The following GOLGA2 variants were observed in gnomAD, a reference collection of about 807,000 sequenced individuals.
The protein encoded by GOLGA2 is golgin subfamily A member 2.
Under a neutral mutation model 148.8 loss-of-function variants are expected in GOLGA2, and 49 were observed. The observed-to-expected ratio is 0.33, with a 90% CI of 0.26 to 0.42. The LOEUF is 0.42. GOLGA2 is among the 10% of genes least tolerant of loss of function. The pLI is 1.00. For missense variants in GOLGA2, 1,178 were observed against 1,304.6 expected (o/e 0.90, Z 1.49); for synonymous variants, 501 against 511.8 (o/e 0.98, Z 0.28).
At position 128,267,441 on chromosome 9, in the gene GOLGA2, G is replaced by A. The variant is rs762447035; in HGVS notation, c.561+17C>T. On this transcript the variant is annotated intron_variant, in intron 7 of 26. Transcript: ENST00000611957. ...CTGGCCTGCAGGGTCACTGGGCCAC[G>A]GCCCAGGGCCTCTTACCTCCAGATC... The A allele has an allele frequency of 3.1e-5, 50 of 1,606,572 alleles. 1 individual carries two copies. The highest frequency in any genetic ancestry group is 1.7e-4 in the Middle Eastern group (1 of 5,974).
Position 128,260,724 on chromosome 9 carries a change from C to A in GOLGA2, c.1499G>T (p.Arg500Leu), listed in dbSNP as rs746053247. ...QQLQAEAEHL[R>L]KELEGLAGQL... ...TCCTGCCAGACCCTCCAGCTCCTTC[C>A]GCAGGTGCTCAGCCTCCGCTTGTAG... Residue 500 changes from arginine to leucine, a missense_variant, in exon 18 of 27, where the codon CGG (arginine) becomes CTG (leucine). Around this residue, in one of 5 missense-constraint regions of GOLGA2, gnomAD observed 529 missense variants for 521.8 expected, o/e 1.01. Transcript: ENST00000611957. The surrounding 1 kb of genome is among the most constrained non-coding windows in gnomAD (Gnocchi z 4.8). The A allele has an allele frequency of 6.2e-7, 1 of 1,613,242 alleles. No individual in the cohort carries two copies. Among genetic ancestry groups the A allele is most frequent in the Admixed American group, 1.7e-5 (1 of 60,004 alleles).
chr9:128,267,326 G>A (rs1830652726), intron 7 of GOLGA2, 52 bp from the exon 8 acceptor site: 1 of 1,428,010 alleles, frequency 7.0e-7, no homozygotes, highest in South Asian at 1.1e-5. Flanking sequence ...GGGAGAGGTA[G>A]AGAGAGCAAT....
Position 128,267,501 on chromosome 9 carries a change from T to C in GOLGA2, c.518A>G (p.Asn173Ser), listed in dbSNP as rs972195226. ...AGCAGACGATGCAGGGCCCTCCCCA[T>C]TGACACATGTCGCAGACTATAAGAG... ...GLVCESATCV[N>S]GEGPASSANL... The change falls in exon 7 of 27, where the codon AAT becomes AGT. Residue 173 changes from asparagine (N) to serine (S), a missense_variant. Transcript: ENST00000611957. The C allele has an allele frequency of 1.9e-6, 3 of 1,613,118 alleles. No homozygotes were observed. The highest frequency in any genetic ancestry group is 2.2e-5 in the East Asian group (1 of 44,876).
intron 3 of GOLGA2, among the ~76,000 whole-genome samples, chr9:128,269,744 G>A (rs1588490389): frequency 6.6e-6 from 1 of 152,216 alleles, no homozygotes; most frequent in African/African-American, 2.4e-5. Context: ...CCTGGCCACG[G>A]AAGCTGGGTC....
At chr9:128,265,372 C>T (rs554611698) in intron 12 of GOLGA2, among the ~76,000 whole-genome samples, 7 of 152,312 alleles carry the variant, frequency 4.6e-5, no homozygotes, top group Admixed American at 3.3e-4. Flanking sequence ...CCGAGCTCTG[C>T]GTCCAGTGTT....
rs772269881 is a variant in GOLGA2 at position 128,267,515 on chromosome 9, A to G, written c.504T>C (p.Ser168=). The G allele has an allele frequency of 2.5e-6, 4 of 1,610,412 alleles. No individual in the cohort carries two copies. Among genetic ancestry groups the G allele is most frequent in the Non-Finnish European group, 3.4e-6 (4 of 1,176,602 alleles). ...GGCCCTCCCCATTGACACATGTCGC[A>G]GACTATAAGAGACGAGAGTGCACAT... ...SQQLNGLVCE[S]ATCVNGEGPA... The change falls in exon 7 of 27, where the codon TCT becomes TCC. Residue 168 remains serine, a splice_region_variant and synonymous_variant. Coordinates refer to ENST00000611957, the MANE Select transcript of GOLGA2 (RefSeq NM_001366244.2).
chr9:128,264,239 A>G (rs1349450742), intron 12 of GOLGA2, among the ~76,000 whole-genome samples: 2 of 149,654 alleles, frequency 1.3e-5, no homozygotes, highest in Non-Finnish European at 3.0e-5. Flanking sequence ...ATGTATGTAT[A>G]TATGTATTTA....
rs753633275 is a variant in GOLGA2 at position 128,257,496 on chromosome 9, GAC to G, written c.2746_2747del (p.Val916LeufsTer23). ...KVKLLELQEL[V>X]LRLVGDRNEW... ...CGTTGCGGTCGCCCACAAGCCGTAAGACCAGCTCCTGCAGCTCCAGCAGCTTC... is the reference window on the plus strand; with the variant it reads ...CGTTGCGGTCGCCCACAAGCCGTAAGCAGCTCCTGCAGCTCCAGCAGCTTC... On this transcript the variant is annotated frameshift_variant, in exon 26 of 27. Coordinates refer to ENST00000611957, the MANE Select transcript of GOLGA2 (RefSeq NM_001366244.2). LOFTEE classifies it high-confidence loss of function. The surrounding 1 kb of genome is among the most constrained non-coding windows in gnomAD (Gnocchi z 8.0). 1 of 1,613,970 alleles carries G rather than the reference GAC, an allele frequency of 6.2e-7. No individual in the cohort carries two copies. The highest frequency in any genetic ancestry group is 1.1e-5 in the South Asian group (1 of 91,086).
At position 128,258,718 on chromosome 9, in the gene GOLGA2, T is replaced by G; in HGVS notation, c.2174-148A>C. 1 of 665,770 alleles carries G rather than the reference T, an allele frequency of 1.5e-6. No individual in the cohort carries two copies. Among genetic ancestry groups the G allele is most frequent in the Non-Finnish European group, 2.5e-6 (1 of 396,034 alleles). The allele number at this position is 665,770 out of a possible 1,614,324, so 41.2% of individuals were successfully genotyped here. On this transcript the variant is annotated intron_variant, in intron 21 of 26. Transcript: ENST00000611957. The surrounding 1 kb of genome is among the most constrained non-coding windows in gnomAD (Gnocchi z 6.6). ...TCTTTATTTTTATTTTATTCTTTTT[T>G]AAGAGCCAAGGGCTCGCTATGCTGC... is the stretch of plus-strand genomic sequence containing the variant.
At chr9:128,268,922 G>A (rs549074555) in intron 3 of GOLGA2, among the ~76,000 whole-genome samples, 5 of 152,260 alleles carry the variant, frequency 3.3e-5, no homozygotes, top group African/African-American at 1.2e-4. Context: ...GGCCCCTACT[G>A]GGCAGAGGAT....
intron 3 of GOLGA2, among the ~76,000 whole-genome samples, chr9:128,272,271 G>A (rs2131387394): frequency 6.6e-6 from 1 of 151,944 alleles, no homozygotes. Flanking sequence ...ACCACTTGAG[G>A]TCAGGAGTTC....
rs780234627 is a variant in GOLGA2, at chr9:128,268,068, C to T, written c.437+49G>A. 1.1e-5 allele frequency: 17 copies of T among 1,600,630 alleles called. No individual in the cohort carries two copies. The Admixed American group carries it at 2.8e-4, about 27-fold the overall frequency. On this transcript the variant is annotated intron_variant, in intron 5 of 26. Coordinates refer to ENST00000611957, the MANE Select transcript of GOLGA2 (RefSeq NM_001366244.2). ...GAAAGAAGGTCATGGGCAGTGGCCT[C>T]CCTGACTCTCTCAGCCTAGAGACTG...
Position 128,258,631 on chromosome 9 carries a change from T to C in GOLGA2, c.2174-61A>G. The C allele has an allele frequency of 8.1e-7, 1 of 1,230,164 alleles. No individual in the cohort carries two copies. The highest frequency in any genetic ancestry group is 2.5e-5 in the East Asian group (1 of 39,376). The allele number at this position is 1,230,164 out of a possible 1,614,324, so 76.2% of individuals were successfully genotyped here. On this transcript the variant is annotated intron_variant, in intron 21 of 26. Transcript: ENST00000611957. The surrounding 1 kb of genome is among the most constrained non-coding windows in gnomAD (Gnocchi z 6.6). ...AACAAGGGTACAGTGGGCCCACCTC[T>C]GCCCCCACCCTCACTGTGTAACCCT...
chr9:128,274,957 G>A (rs1299415720), intron 1 of GOLGA2, among the ~76,000 whole-genome samples: 1 of 152,136 alleles, frequency 6.6e-6, no homozygotes, highest in Non-Finnish European at 1.5e-5. Context: ...TCATTCCAGA[G>A]ACCACTGAAG....
At position 128,258,804 on chromosome 9, in the gene GOLGA2, G is replaced by A; in HGVS notation, c.2173+203C>T. ...TCTGACCTGCTTCATTTCTGACCTG[G>A]GCCAGTTCACCCATCCTTAGGTAAG... On this transcript the variant is annotated intron_variant, in intron 21 of 26. Transcript: ENST00000611957. This position sits in a 1 kb window ranked among gnomAD's most constrained non-coding sequence, Gnocchi z 6.6. The A allele has an allele frequency of 8.1e-6, 5 of 619,994 alleles. No individual in the cohort carries two copies. The highest frequency in any genetic ancestry group is 1.4e-5 in the Non-Finnish European group (5 of 352,072). The allele number at this position is 619,994 out of a possible 1,614,324, so 38.4% of individuals were successfully genotyped here. A position where few individuals can be genotyped will look rare whatever the true frequency, so the allele number is the denominator to read the frequency against.
rs1237689129 is a variant in GOLGA2, at chr9:128,261,481, C to T, written c.1305G>A (p.Arg435=). 1 of 1,607,122 alleles carries T rather than the reference C, an allele frequency of 6.2e-7. No homozygotes were observed. The highest frequency in any genetic ancestry group is 8.5e-7 in the Non-Finnish European group (1 of 1,173,574). The part of the protein sequence containing the change: ...ENLKGESAMW[R]QRMQQMSEQV... ...GCTCTGACATCTGCTGCATCCTCTGCCGCCACATGGCGCTCTCTCCTTTGA... is the reference window on the plus strand; with the variant it reads ...GCTCTGACATCTGCTGCATCCTCTGTCGCCACATGGCGCTCTCTCCTTTGA... The change falls in exon 16 of 27, where the codon CGG becomes CGA. Residue 435 remains arginine, a synonymous_variant. Transcript: ENST00000611957. This position sits in a 1 kb window ranked among gnomAD's most constrained non-coding sequence, Gnocchi z 5.7.
In GOLGA2 at chr9:128,267,112, T is replaced by C; in HGVS notation, c.642+82A>G. The C allele has an allele frequency of 3.0e-6, 3 of 1,009,394 alleles. No individual in the cohort carries two copies. In the Admixed American group the frequency reaches 5.1e-5, roughly 17 times the overall value. The allele number at this position is 1,009,394 out of a possible 1,614,324, so 62.5% of individuals were successfully genotyped here. On this transcript the variant is annotated intron_variant, in intron 8 of 26. Coordinates refer to ENST00000611957, the MANE Select transcript of GOLGA2 (RefSeq NM_001366244.2). ...TTCGCCCTTGGCACCAGGGGCCCCC[T>C]GCCCCTTTCTTCAGGGTCCCAAGGG...
At position 128,258,833 on chromosome 9, in the gene GOLGA2, G is replaced by T; in HGVS notation, c.2173+174C>A. Reference sequence around the variant, plus strand: ...AGTTCACCCATCCTTAGGTAAGCTGGTAGTGCCCTGCTCCCAGGAAGTCAC... The same window carrying T: ...AGTTCACCCATCCTTAGGTAAGCTGTTAGTGCCCTGCTCCCAGGAAGTCAC... On this transcript the variant is annotated intron_variant, in intron 21 of 26. Coordinates refer to ENST00000611957, the MANE Select transcript of GOLGA2 (RefSeq NM_001366244.2). The surrounding 1 kb of genome is among the most constrained non-coding windows in gnomAD (Gnocchi z 6.6). The T allele has an allele frequency of 1.6e-6, 1 of 633,136 alleles. No individual in the cohort carries two copies. The highest frequency in any genetic ancestry group is 2.8e-6 in the Non-Finnish European group (1 of 359,976). 39.2% of individuals were successfully genotyped at this position (633,136 alleles called of 1,614,324 possible).
At position 128,271,838 on chromosome 9, in the gene GOLGA2, T is replaced by C. The variant is rs140803990; in HGVS notation, c.288+947A>G. On this transcript the variant is annotated intron_variant, in intron 3 of 26. Coordinates refer to ENST00000611957, the MANE Select transcript of GOLGA2 (RefSeq NM_001366244.2). This position sits in a 1 kb window ranked among gnomAD's most constrained non-coding sequence, Gnocchi z 4.4. ...TGTTTATTTATCAAAGTGCCTTTGT[T>C]GTCAAGAGCCCAATGAATATGGCTA... 6.6e-6 allele frequency among the ~76,000 whole-genome samples: 1 copy of C among 152,272 alleles called. No individual in the cohort carries two copies. The highest frequency in any genetic ancestry group is 1.9e-4 in the East Asian group (1 of 5,180).
Sources: allele counts gnomAD v4.1 joint callset (sites outside exome capture counted in the v4.1 genomes callset), GRCh38; gene constraint gnomAD v4.1.1; regional missense constraint gnomAD v4.1.1; non-coding constraint Gnocchi (gnomAD v3.1); transcripts MANE v1.5; gene names NCBI Gene and HGNC (gene_info 2026-07-23, HGNC 2026-07-21).